The following FBN3 variants were observed in gnomAD, a reference collection of about 807,000 sequenced individuals.
The protein encoded by FBN3 is fibrillin-3.
A neutral mutation model predicts 330.1 loss-of-function variants in FBN3; 234 were observed. That is an observed-to-expected ratio of 0.71 (90% CI 0.64 to 0.79). The LOEUF is 0.79. FBN3 is among the 30% of genes least tolerant of loss of function. FBN3 has a pLI of 0.00. For missense variants in FBN3, 3,606 were observed against 3,886.9 expected, an observed-to-expected ratio of 0.93 and a Z score of 1.92; for synonymous variants, 1,458 against 1,517.3, an observed-to-expected ratio of 0.96 and a Z score of 0.91.
intron 63 of FBN3, among the ~76,000 whole-genome samples, chr19:8,066,940 T>C (rs1466493218): frequency 2.0e-5 from 3 of 152,002 alleles, no homozygotes; most frequent in Non-Finnish European, 4.4e-5. Flanking sequence ...ACTGTTTGGA[T>C]GATGGGATCA....
rs45451694 is a variant in FBN3 at position 8,089,635 on chromosome 19, T to A, written c.6286A>T (p.Thr2096Ser). ...NECAENPGVCTNGVCVNTDGS... is the reference protein window; with the variant it reads ...NECAENPGVCSNGVCVNTDGS... ...TCGGTGTTGACACAGACGCCGTTAG[T>A]GCAGACGCCAGGGTTCTCTGCACAC... The change falls in exon 51 of 64, where the codon ACT (threonine) becomes TCT (serine). Residue 2096 changes from threonine (T) to serine (S), a missense_variant. Transcript: ENST00000600128. 1 of 1,614,196 alleles carries A rather than the reference T, an allele frequency of 6.2e-7. No individual in the cohort carries two copies. The highest frequency in any genetic ancestry group is 1.7e-5 in the Admixed American group (1 of 60,026).
intron 18 of FBN3, among the ~76,000 whole-genome samples, chr19:8,128,098 T>C (rs2083037761): frequency 6.6e-6 from 1 of 152,242 alleles, no homozygotes. Context: ...GATGTGGAAC[T>C]TCCGTGCCTG....
At chr19:8,092,707 CAAAAAAAA>C (rs33973797) in intron 47 of FBN3, among the ~76,000 whole-genome samples, 4 of 70,158 alleles carry the variant, frequency 5.7e-5, no homozygotes, top group East Asian at 5.3e-4. Context: ...GAGACTCCAC[CAAAAAAAA>C]AAAAAAAAAA....
chr19:8,090,352 G>T, intron 48 of FBN3, 101 bp from the exon 49 acceptor site: 1 of 1,360,182 alleles, frequency 7.4e-7, no homozygotes, highest in Non-Finnish European at 1.0e-6. Flanking sequence ...GGGTTGTGCT[G>T]ATCCTGCCAG....
At chr19:8,118,872 C>T in intron 26 of FBN3, 25 bp downstream of exon 26, 1 of 1,596,960 alleles carries the variant, frequency 6.3e-7, no homozygotes, top group East Asian at 2.3e-5. Context: ...AACACTCACA[C>T]TTGCACACCC....
rs34799960 is a variant in FBN3 at position 8,120,165 on chromosome 19, C to CTTT, written c.3211+1090_3211+1092dup. On this transcript the variant is annotated intron_variant, in intron 25 of 63. Transcript: ENST00000600128. Reference sequence around the variant, plus strand: ...TTCTTTTCTTTTTCTTTCTTTCTTTCTTTTTTTTTTTTTTTTAATTTGGAG... The same window carrying CTTT: ...TTCTTTTCTTTTTCTTTCTTTCTTTCTTTTTTTTTTTTTTTTTTTAATTTGGAG... Among the ~76,000 whole-genome samples the CTTT allele has an allele frequency of 7.8e-5, 10 of 127,922 alleles. 1 individual carries two copies. The highest frequency in any genetic ancestry group is 2.7e-4 in the African/African-American group (9 of 32,992). 83.9% of individuals were successfully genotyped at this position (127,922 alleles called of 152,430 possible).
intron 58 of FBN3, 75 bp downstream of exon 58, chr19:8,081,283 C>T: frequency 6.5e-7 from 1 of 1,534,392 alleles, no homozygotes; most frequent in East Asian, 2.3e-5. Context: ...TTGCAGGGGA[C>T]ATGTCTTGGG....
chr19:8,144,823 C>G, intron 6 of FBN3, 54 bp downstream of exon 6: 1 of 1,416,192 alleles, frequency 7.1e-7, no homozygotes, highest in South Asian at 1.2e-5. Flanking sequence ...TCCAGGAAAC[C>G]CCCTTTCCTC....
chr19:8,085,860 AG>A (rs1451207500), intron 55 of FBN3, among the ~76,000 whole-genome samples: 4 of 151,804 alleles, frequency 2.6e-5, no homozygotes, highest in African/African-American at 9.7e-5. Flanking sequence ...CAGAGGGAAG[AG>A]GGGCAGCAGG....
chr19:8,123,055 C>A (rs1029540888), intron 24 of FBN3, among the ~76,000 whole-genome samples: 9 of 152,012 alleles, frequency 5.9e-5, no homozygotes, highest in Middle Eastern at 3.4e-3. Flanking sequence ...ACAAGAAGTG[C>A]CCAAAGAACA....
At position 8,080,811 on chromosome 19, in the gene FBN3, G is replaced by A. The variant is rs373238708; in HGVS notation, c.7453+192C>T. Among the ~76,000 whole-genome samples, 25 of 152,112 alleles carry A rather than the reference G, an allele frequency of 1.6e-4. 1 individual carries two copies. The highest frequency in any genetic ancestry group is 8.3e-4 in the South Asian group (4 of 4,808). ...ATTTTTTTGTATTTTTAGTAGAGAC[G>A]GGTTTTCACCATGTTGGCCAGGCTG... On this transcript the variant is annotated intron_variant, in intron 59 of 63. Coordinates refer to ENST00000600128, the MANE Select transcript of FBN3 (RefSeq NM_032447.5).
At chr19:8,145,496 C>G (rs1347008464) in intron 5 of FBN3, among the ~76,000 whole-genome samples, 1 of 150,732 alleles carries the variant, frequency 6.6e-6, no homozygotes, top group Admixed American at 6.6e-5. Context: ...CTGGCTAACA[C>G]AGTGAAACCC....
rs1177614805 is a variant in FBN3 at position 8,065,416 on chromosome 19, C to A, written c.*503G>T. On this transcript the variant is annotated 3_prime_UTR_variant, in exon 64 of 64. Coordinates refer to ENST00000600128, the MANE Select transcript of FBN3 (RefSeq NM_032447.5). ...GGCAGGCAGACTTAACCCAAAATAA[C>A]TTTATTATCGTCTCCACTTTTGATA... 6.5e-6 allele frequency: 1 copy of A among 153,752 alleles called. No homozygotes were observed. Among genetic ancestry groups the A allele is most frequent in the Non-Finnish European group, 1.4e-5 (1 of 69,182 alleles). The allele number at this position is 153,752 out of a possible 1,614,324, so 9.5% of individuals were successfully genotyped here. A position where few individuals can be genotyped will look rare whatever the true frequency, so the allele number is the denominator to read the frequency against.
rs761721387 is a variant in FBN3, at chr19:8,097,301, G to A, written c.5275C>T (p.Leu1759=). 8 of 1,606,440 alleles carry A rather than the reference G, an allele frequency of 5.0e-6. No individual in the cohort carries two copies. The highest frequency in any genetic ancestry group is 6.8e-6 in the Non-Finnish European group (8 of 1,174,372). ...GGAGAGGTGGCACCTTCACAAGCCA[G>A]CAGGATGCTGTTGTAGTTGAAGCCT... ...PAGFNYNSIL[L]ACEDVDECGS... The change falls in exon 42 of 64, where the codon CTG becomes TTG. Residue 1759 remains leucine (L), a synonymous_variant. Coordinates refer to ENST00000600128, the MANE Select transcript of FBN3 (RefSeq NM_032447.5).
At chr19:8,147,256 C>T (rs1793324787) in intron 2 of FBN3, 58 bp downstream of exon 2, 1 of 1,563,388 alleles carries the variant, frequency 6.4e-7, no homozygotes, top group African/African-American at 1.4e-5. Flanking sequence ...ATTCCGCTGG[C>T]CCCAGGACAG....
intron 22 of FBN3, among the ~76,000 whole-genome samples, chr19:8,125,225 C>T (rs2082949070): frequency 6.6e-6 from 1 of 152,058 alleles, no homozygotes; most frequent in African/African-American, 2.4e-5. Flanking sequence ...GAGACCCTGT[C>T]CCTACAAAAA....
Position 8,086,297 on chromosome 19 carries a change from G to C in FBN3, c.6783C>G (p.Asp2261Glu). 6.2e-7 allele frequency: 1 copy of C among 1,611,904 alleles called. No individual in the cohort carries two copies. ...TDDNECHAQP[D>E]LCVNGRCVNT... ...TGACACAGCGGCCGTTGACACAGAGGTCAGGCTGAGCGTGGCATTCATTGT... is the reference window on the plus strand; with the variant it reads ...TGACACAGCGGCCGTTGACACAGAGCTCAGGCTGAGCGTGGCATTCATTGT... Residue 2261 changes from aspartate to glutamate, a missense_variant, in exon 55 of 64, where the codon GAC becomes GAG. Physicochemically the swap from Asp to Glu is conservative, Grantham distance 45 (BLOSUM62 2). Transcript: ENST00000600128.
intron 24 of FBN3, 119 bp downstream of exon 24, chr19:8,123,345 A>T (rs1485672770): frequency 8.7e-7 from 1 of 1,155,750 alleles, no homozygotes; most frequent in East Asian, 2.6e-5. Flanking sequence ...CAAGAGTAAA[A>T]CTCCGTCTCG....
At chr19:8,072,325 G>T in intron 62 of FBN3, 127 bp from the exon 63 acceptor site, 1 of 1,009,032 alleles carries the variant, frequency 9.9e-7, no homozygotes, top group Non-Finnish European at 1.4e-6. Flanking sequence ...AAATGCCTCT[G>T]AGCATGTGCT....
Sources: allele counts gnomAD v4.1 joint callset (sites outside exome capture counted in the v4.1 genomes callset), GRCh38; gene constraint gnomAD v4.1.1; transcripts MANE v1.5; gene names NCBI Gene and HGNC (gene_info 2026-07-23, HGNC 2026-07-21).